The following CATSPERE variants were observed in gnomAD, a reference collection of about 807,000 sequenced individuals.
CATSPERE encodes the protein catsper channel auxiliary subunit epsilon.
A neutral mutation model predicts 114.1 loss-of-function variants in CATSPERE; 93 were observed. The ratio of observed to expected loss-of-function variants is 0.81; its 90% CI spans 0.69 to 0.97. CATSPERE has a LOEUF of 0.97. Ranked by LOEUF, CATSPERE falls within the 50% of genes least tolerant of loss-of-function variation. The probability of loss-of-function intolerance (pLI) is 0.00; values close to 1 mark genes in which losing one functional copy is unlikely to be tolerated. For synonymous variants in CATSPERE, 341 were observed against 384.1 expected, an observed-to-expected ratio of 0.89 and a Z score of 1.31; for missense variants, 1,058 against 1,131.6, an observed-to-expected ratio of 0.93 and a Z score of 0.93.
chr1:244,491,916 G>A (rs966845569), intron 6 of CATSPERE, among the ~76,000 whole-genome samples: 32 of 152,290 alleles, frequency 2.1e-4, no homozygotes, highest in African/African-American at 5.5e-4. Flanking sequence ...TCTCTGAATA[G>A]ACCAATAACA....
At position 244,619,675 on chromosome 1, in the gene CATSPERE, G is replaced by C. The variant is rs187326722; in HGVS notation, c.2648+1989G>C. 3.5e-4 allele frequency among the ~76,000 whole-genome samples: 53 copies of C among 152,290 alleles called. 2 individuals are homozygous for C. The highest frequency in any genetic ancestry group is 1.2e-3 in the African/African-American group (51 of 41,568). ...TCAGGGAAACTAACAGGGGCCTCCT[G>C]GTTTGGGGATGGGAGAACACGTATT... On this transcript the variant is annotated intron_variant, in intron 20 of 21. Transcript: ENST00000366534.
chr1:244,547,219 G>A (rs1659893179), intron 8 of CATSPERE, among the ~76,000 whole-genome samples: 1 of 149,378 alleles, frequency 6.7e-6, no homozygotes, highest in African/African-American at 2.5e-5. Flanking sequence ...TGCCAACCAA[G>A]AATACTGTGC....
At position 244,581,778 on chromosome 1, in the gene CATSPERE, T is replaced by A; in HGVS notation, c.1951-18T>A. The A allele has an allele frequency of 8.4e-7, 1 of 1,190,910 alleles. No individual in the cohort carries two copies. The highest frequency in any genetic ancestry group is 1.2e-6 in the Non-Finnish European group (1 of 830,950). The allele number at this position is 1,190,910 out of a possible 1,614,324, so 73.8% of individuals were successfully genotyped here. On this transcript the variant is annotated intron_variant, in intron 11 of 21. Transcript: ENST00000366534. ...CAATTTCCCTGCTTTACATAAATTT[T>A]AAATTTTCTTTTTTCAGACACTAAC...
chr1:244,555,877 A>T (rs1368620459), intron 9 of CATSPERE, among the ~76,000 whole-genome samples: 1 of 152,144 alleles, frequency 6.6e-6, no homozygotes, highest in Non-Finnish European at 1.5e-5. Flanking sequence ...GATGTGAAAG[A>T]TCTCTGCAAG....
chr1:244,535,789 G>A (rs1430239537), intron 8 of CATSPERE, among the ~76,000 whole-genome samples: 1 of 152,124 alleles, frequency 6.6e-6, no homozygotes, highest in Non-Finnish European at 1.5e-5. Flanking sequence ...TACCTAAGCT[G>A]CAAGACAAAG....
rs57682756 is a variant in CATSPERE at position 244,516,335 on chromosome 1, T to TTTTGTTTGTTTG, written c.430-2241_430-2230dup. Among the ~76,000 whole-genome samples, 25 of 151,112 alleles carry TTTTGTTTGTTTG rather than the reference T, an allele frequency of 1.7e-4. 1 individual carries two copies. Among genetic ancestry groups the TTTTGTTTGTTTG allele is most frequent in the South Asian group, 1.5e-3 (7 of 4,778 alleles). On this transcript the variant is annotated intron_variant, in intron 7 of 21. Coordinates refer to ENST00000366534, the MANE Select transcript of CATSPERE (RefSeq NM_001130957.2). ...ATTTTGGCAATATGTATCAAGAGAG[T>TTTTGTTTGTTTG]TTTGTTTGTTTGTTTGTTTGTTTGT...
chr1:244,625,641 A>T (rs1673092255), intron 20 of CATSPERE, among the ~76,000 whole-genome samples: 1 of 149,746 alleles, frequency 6.7e-6, no homozygotes, highest in South Asian at 2.1e-4. Context: ...CTTGGCCAGG[A>T]TGGTCTCGAT....
chr1:244,485,363 G>A lies in CATSPERE; in HGVS notation c.327-5084G>A, dbSNP rs891861439. On this transcript the variant is annotated intron_variant, in intron 5 of 21. Transcript: ENST00000366534. ...CACCTGGCCAATTTTTGTATTTTTA[G>A]TAGAGATGGGGTTTCATCATGTTGG... 2.6e-5 allele frequency among the ~76,000 whole-genome samples: 4 copies of A among 151,724 alleles called. No homozygotes were observed. In the South Asian group the frequency reaches 8.3e-4, roughly 32 times the overall value.
intron 19 of CATSPERE, chr1:244,610,529 A>G (rs1413859789): frequency 1.5e-6 from 1 of 666,372 alleles, no homozygotes; most frequent in Non-Finnish European, 2.7e-6. Flanking sequence ...CTGTGTTACT[A>G]TTTTAATTTT....
intron 1 of CATSPERE, 119 bp from the exon 2 acceptor site, chr1:244,463,789 G>C (rs954333515): frequency 1.2e-6 from 1 of 839,956 alleles, no homozygotes; most frequent in Non-Finnish European, 2.0e-6. Context: ...GTCAAGGAAG[G>C]GAATGAGGCA....
intron 2 of CATSPERE, among the ~76,000 whole-genome samples, chr1:244,466,760 AC>A (rs1667659347): frequency 1.3e-5 from 2 of 152,298 alleles, no homozygotes; most frequent in Non-Finnish European, 2.9e-5. Flanking sequence ...TGCTGTTGCC[AC>A]CAGAGATCAG....
intron 8 of CATSPERE, among the ~76,000 whole-genome samples, chr1:244,529,676 A>T (rs970698349): frequency 6.6e-6 from 1 of 150,628 alleles, no homozygotes; most frequent in Non-Finnish European, 1.5e-5. Flanking sequence ...TTTATTTTTT[A>T]TTTTTATTTT....
At chr1:244,610,390 A>G (rs1670550379) in intron 19 of CATSPERE, 64 bp downstream of exon 19, 2 of 1,192,244 alleles carry the variant, frequency 1.7e-6, no homozygotes, top group Non-Finnish European at 1.2e-6. Flanking sequence ...TTTGCTATTA[A>G]CAAAAACTTG....
intron 14 of CATSPERE, among the ~76,000 whole-genome samples, chr1:244,590,705 C>CT (rs1667617229): frequency 6.6e-6 from 1 of 152,192 alleles, no homozygotes; most frequent in Non-Finnish European, 1.5e-5. Context: ...AACATATGAC[C>CT]TTTTGTGTCC....
upstream of CATSPERE, among the ~76,000 whole-genome samples, chr1:244,458,308 G>A (rs1666342907): frequency 6.6e-6 from 1 of 152,164 alleles, no homozygotes; most frequent in Admixed American, 6.5e-5. Flanking sequence ...ATAATTTAGT[G>A]TACATTATTA....
Position 244,570,038 on chromosome 1 carries a change from A to G in CATSPERE, c.1508-2292A>G, listed in dbSNP as rs114499952. On this transcript the variant is annotated intron_variant, in intron 10 of 21. Coordinates refer to ENST00000366534, the MANE Select transcript of CATSPERE (RefSeq NM_001130957.2). The stretch of plus-strand genomic sequence containing the variant: ...CCTAGAACAGTATAGCCCCATAGTA[A>G]GCATTCAATACATTTGTTGAATAGA... Among the ~76,000 whole-genome samples, 1,468 of 152,318 alleles carry G rather than the reference A, an allele frequency of 9.6e-3. 29 individuals carry two copies. The highest frequency in any genetic ancestry group is 0.032 in the African/African-American group (1,345 of 41,570).
chr1:244,583,265 C>T (rs930182070), intron 12 of CATSPERE, among the ~76,000 whole-genome samples: 5 of 152,020 alleles, frequency 3.3e-5, no homozygotes, highest in African/African-American at 1.2e-4. Context: ...CAAACTTTCA[C>T]GTTTTCTTCT....
intron 5 of CATSPERE, among the ~76,000 whole-genome samples, chr1:244,480,630 AT>A (rs1670112708): frequency 1.8e-5 from 1 of 54,492 alleles, no homozygotes; most frequent in Non-Finnish European, 4.2e-5. Flanking sequence ...TCAGTAAAGC[AT>A]GGTTGTTGCT....
intron 21 of CATSPERE, among the ~76,000 whole-genome samples, chr1:244,637,826 TG>T (rs1252023468): frequency 6.6e-6 from 1 of 152,240 alleles, no homozygotes; most frequent in African/African-American, 2.4e-5. Context: ...CATCATCAGA[TG>T]AGCTTGTTTC....
Sources: allele counts gnomAD v4.1 joint callset (sites outside exome capture counted in the v4.1 genomes callset), GRCh38; gene constraint gnomAD v4.1.1; transcripts MANE v1.5; gene names NCBI Gene and HGNC (gene_info 2026-07-23, HGNC 2026-07-21).